MYH6: variants seen among roughly 807,000 people sequenced by gnomAD.
The protein encoded by MYH6 is myosin heavy chain 6.
MYH6 carries 126 observed loss-of-function variants against 223.2 expected under a neutral mutation model. The observed-to-expected ratio is 0.56, with a 90% CI of 0.49 to 0.65. The LOEUF is 0.65. Ranked by LOEUF, MYH6 falls within the 30% of genes least tolerant of loss-of-function variation. MYH6 has a pLI of 0.00. For synonymous variants in MYH6, 978 were observed against 1,010.2 expected (o/e 0.97, Z 0.61); for missense variants, 2,040 against 2,536.4 (o/e 0.80, Z 4.20).
chr14:23,407,362 G>A lies in MYH6; in HGVS notation c.-13-126C>T, dbSNP rs1199753861. The stretch of plus-strand genomic sequence containing the variant: ...CTCCACCCTGGGAGAGGCACCTGCT[G>A]TTGCACCCTCCCCTACTCAGGGCTC... On this transcript the variant is annotated intron_variant, in intron 2 of 38. Coordinates refer to ENST00000405093, the MANE Select transcript of MYH6 (RefSeq NM_002471.4). This position sits in a 1 kb window ranked among gnomAD's most constrained non-coding sequence, Gnocchi z 5.6. 6.7e-6 allele frequency: 8 copies of A among 1,199,988 alleles called. No individual in the cohort carries two copies. Among genetic ancestry groups the A allele is most frequent in the South Asian group, 1.3e-5 (1 of 76,746 alleles). 74.3% of individuals were successfully genotyped at this position (1,199,988 alleles called of 1,614,324 possible). A position where few individuals can be genotyped will look rare whatever the true frequency, so the allele number is the denominator to read the frequency against.
chr14:23,402,909 G>T (rs1891652973), intron 10 of MYH6, 109 bp from the exon 11 acceptor site: 1 of 786,686 alleles, frequency 1.3e-6, no homozygotes, highest in Non-Finnish European at 2.2e-6. Flanking sequence ...AAGGGACGGG[G>T]TGAATGGAGG....
intron 15 of MYH6, among the ~76,000 whole-genome samples, chr14:23,398,009 C>CTTA (rs1891479912): frequency 7.9e-6 from 1 of 126,692 alleles, no homozygotes. Context: ...TCTTCTTCTT[C>CTTA]TTCTTCTTCT....
Position 23,389,669 on chromosome 14 carries a change from G to A in MYH6, c.3783C>T (p.Tyr1261=). Residue 1261 remains tyrosine (Y), a synonymous_variant, in exon 27 of 39, where the codon TAC becomes TAT. Transcript: ENST00000405093. The part of the protein sequence containing the change: ...SRTLEDQANE[Y]RVKLEEAQRS... ...GTTGGGCCTCTTCTAGCTTCACGCG[G>A]TACTCATTGGCCTGGTCCTCCAGCG... is the stretch of plus-strand genomic sequence containing the variant. 1 of 1,614,164 alleles carries A rather than the reference G, an allele frequency of 6.2e-7. No individual in the cohort carries two copies.
Position 23,389,016 on chromosome 14 carries a change from G to A in MYH6, c.4018C>T (p.His1340Tyr). Reference sequence around the variant, plus strand: ...TGCTCCCGCAGCAGGTCGCAGTCATGCCGGGCCGACTGCAGTGCATGGGCC... The same window carrying A: ...TGCTCCCGCAGCAGGTCGCAGTCATACCGGGCCGACTGCAGTGCATGGGCC... Reference protein sequence around the residue: ...ALAHALQSARHDCDLLREQYE... With the variant: ...ALAHALQSARYDCDLLREQYE... The change falls in exon 29 of 39, where the codon CAT becomes TAT. Residue 1340 changes from histidine (H) to tyrosine (Y), a missense_variant. His to Tyr is a moderately conservative substitution (Grantham distance 83). Coordinates refer to ENST00000405093, the MANE Select transcript of MYH6 (RefSeq NM_002471.4). 1 of 1,612,938 alleles carries A rather than the reference G, an allele frequency of 6.2e-7. No individual in the cohort carries two copies. The highest frequency in any genetic ancestry group is 1.1e-5 in the South Asian group (1 of 91,042).
At chr14:23,400,202 C>T (rs1891555899) in intron 14 of MYH6, 54 bp downstream of exon 14, 1 of 1,613,946 alleles carries the variant, frequency 6.2e-7, no homozygotes, top group Non-Finnish European at 8.5e-7. Flanking sequence ...ACTCAGCCAC[C>T]ACTTTGTCTG....
chr14:23,389,248 G>A, intron 28 of MYH6, 145 bp downstream of exon 28: 1 of 1,162,944 alleles, frequency 8.6e-7, no homozygotes, highest in Admixed American at 2.1e-5. Context: ...GGCATTAAAT[G>A]ACGCTTAGCT....
At chr14:23,404,487 C>T (rs976173277) in intron 7 of MYH6, 99 bp from the exon 8 acceptor site, 31 of 1,429,330 alleles carry the variant, frequency 2.2e-5, no homozygotes, top group African/African-American at 1.8e-4. Context: ...AATGGGGGTG[C>T]GGGGCTGGGT....
intron 9 of MYH6, 101 bp from the exon 10 acceptor site, chr14:23,403,547 G>A: frequency 8.4e-7 from 1 of 1,189,164 alleles, no homozygotes; most frequent in South Asian, 1.2e-5. Flanking sequence ...CCCACAGCTT[G>A]ATGAAGAGGG....
chr14:23,406,653 T>G (rs1891797769), intron 3 of MYH6, among the ~76,000 whole-genome samples: 1 of 152,146 alleles, frequency 6.6e-6, no homozygotes, highest in African/African-American at 2.4e-5. Flanking sequence ...TGAACGGAAT[T>G]TGAGAAAGTG....
intron 25 of MYH6, among the ~76,000 whole-genome samples, chr14:23,390,867 C>G (rs1215024574): frequency 6.6e-6 from 1 of 152,178 alleles, no homozygotes; most frequent in African/African-American, 2.4e-5. Flanking sequence ...AAAATGAGTG[C>G]TTGTATTTTA....
chr14:23,387,998 C>T, intron 30 of MYH6, 75 bp from the exon 31 acceptor site: 1 of 1,606,060 alleles, frequency 6.2e-7, no homozygotes, highest in Non-Finnish European at 8.5e-7. Context: ...AGTGCCCCAG[C>T]CCCCAGCCTC....
In MYH6 at chr14:23,407,276, G is replaced by A; in HGVS notation, c.-13-40C>T. 4 of 1,608,930 alleles carry A rather than the reference G, an allele frequency of 2.5e-6. No individual in the cohort carries two copies. The highest frequency in any genetic ancestry group is 3.4e-6 in the Non-Finnish European group (4 of 1,176,534). Reference sequence around the variant, plus strand: ...GGAGGGCTATGTTACTCCTGAGGGAGCCCAGGCTCCAGCGAGTGGCTTTGT... The same window carrying A: ...GGAGGGCTATGTTACTCCTGAGGGAACCCAGGCTCCAGCGAGTGGCTTTGT... On this transcript the variant is annotated intron_variant, in intron 2 of 38. Coordinates refer to ENST00000405093, the MANE Select transcript of MYH6 (RefSeq NM_002471.4). The surrounding 1 kb of genome is among the most constrained non-coding windows in gnomAD (Gnocchi z 5.6).
At position 23,388,978 on chromosome 14, in the gene MYH6, C is replaced by T. The variant is rs753129558; in HGVS notation, c.4056G>A (p.Glu1352=). The change falls in exon 29 of 39, where the codon GAG becomes GAA. Residue 1352 remains glutamate (E), a synonymous_variant. Coordinates refer to ENST00000405093, the MANE Select transcript of MYH6 (RefSeq NM_002471.4). ...CDLLREQYEE[E]TEAKAELQRV... ...GCTGCAGCTCGGCCTTGGCCTCTGT[C>T]TCCTCCTCGTACTGCTCCCGCAGCA... The T allele has an allele frequency of 6.2e-7, 1 of 1,613,844 alleles. No individual in the cohort carries two copies. Among genetic ancestry groups the T allele is most frequent in the Admixed American group, 1.7e-5 (1 of 60,028 alleles).
At position 23,405,874 on chromosome 14, in the gene MYH6, G is replaced by A. The variant is rs1311245303; in HGVS notation, c.202-104C>T. 1 of 1,450,322 alleles carries A rather than the reference G, an allele frequency of 6.9e-7. No homozygotes were observed. The highest frequency in any genetic ancestry group is 9.6e-7 in the Non-Finnish European group (1 of 1,036,460). 89.8% of individuals were successfully genotyped at this position (1,450,322 alleles called of 1,614,324 possible). The stretch of plus-strand genomic sequence containing the variant: ...TCCCAGGACACAGGGACTTGGCCTT[G>A]CTCCCCTTGCTCTGACCAGTGCCCC... On this transcript the variant is annotated intron_variant, in intron 3 of 38. Coordinates refer to ENST00000405093, the MANE Select transcript of MYH6 (RefSeq NM_002471.4). The surrounding 1 kb of genome is among the most constrained non-coding windows in gnomAD (Gnocchi z 4.7).
In MYH6 at chr14:23,397,458, C is replaced by G. The variant is rs1891433103; in HGVS notation, c.1962+85G>C. 30 of 1,502,816 alleles carry G rather than the reference C, an allele frequency of 2.0e-5. 1 individual carries two copies. The South Asian group carries it at 3.2e-4, about 16-fold the overall frequency. The allele number at this position is 1,502,816 out of a possible 1,614,324, so 93.1% of individuals were successfully genotyped here. A position where few individuals can be genotyped will look rare whatever the true frequency, so the allele number is the denominator to read the frequency against. On this transcript the variant is annotated intron_variant, in intron 16 of 38. Transcript: ENST00000405093. ...CCCTAGCTTCTTTCCTCATCAAACTCAAGCATCAGAATAGGTGGTGCAGCC... is the reference window on the plus strand; with the variant it reads ...CCCTAGCTTCTTTCCTCATCAAACTGAAGCATCAGAATAGGTGGTGCAGCC...
At position 23,407,614 on chromosome 14, in the gene MYH6, C is replaced by G; in HGVS notation, c.-46-6G>C. On this transcript the variant is annotated splice_region_variant and splice_polypyrimidine_tract_variant and intron_variant, in intron 1 of 38. Transcript: ENST00000405093. This position sits in a 1 kb window ranked among gnomAD's most constrained non-coding sequence, Gnocchi z 5.6. ...CACGGAGAATCCTGAAGAATCTGGA[C>G]CGTGGGTGGAGCAAGGAACAACAGA... The G allele has an allele frequency of 1.7e-6, 2 of 1,148,338 alleles. No homozygotes were observed. The highest frequency in any genetic ancestry group is 2.2e-6 in the Non-Finnish European group (2 of 924,524). 71.1% of individuals were successfully genotyped at this position (1,148,338 alleles called of 1,614,324 possible).
intron 15 of MYH6, among the ~76,000 whole-genome samples, chr14:23,397,983 T>C (rs932303020): frequency 5.6e-5 from 8 of 141,608 alleles, no homozygotes; most frequent in African/African-American, 1.6e-4. Context: ...CTTCTTCTTC[T>C]TCTTCTTCTT....
intron 25 of MYH6, 132 bp from the exon 26 acceptor site, chr14:23,390,578 C>T: frequency 6.6e-7 from 1 of 1,517,768 alleles, no homozygotes; most frequent in Non-Finnish European, 8.8e-7. Context: ...TTTTGTGCCC[C>T]AGGGAACAGT....
chr14:23,400,225 G>A (rs772638377), intron 14 of MYH6, 31 bp downstream of exon 14: 9 of 1,614,190 alleles, frequency 5.6e-6, no homozygotes, highest in South Asian at 1.1e-5. Context: ...TGGCAGAGGA[G>A]GGGGCATAGG....
Sources: allele counts gnomAD v4.1 joint callset (sites outside exome capture counted in the v4.1 genomes callset), GRCh38; gene constraint gnomAD v4.1.1; non-coding constraint Gnocchi (gnomAD v3.1); transcripts MANE v1.5; gene names NCBI Gene and HGNC (gene_info 2026-07-23, HGNC 2026-07-21).